Variants in SCARB1 observed in about 807,000 individuals in gnomAD.
The protein encoded by SCARB1 is CD36 and LIMPII analogous 1.
A neutral mutation model predicts 57.2 loss-of-function variants in SCARB1; 30 were observed. The observed-to-expected ratio is 0.52, with a 90% confidence interval of 0.39 to 0.71. The LOEUF is 0.71. Among genes scored for constraint, SCARB1 ranks in the 30% least tolerant of loss-of-function variants. The probability of loss-of-function intolerance (pLI) is 0.00; values close to 1 mark genes in which losing one functional copy is unlikely to be tolerated. For missense variants in SCARB1, 543 were observed against 671.2 expected, an observed-to-expected ratio of 0.81 and a Z score of 2.11; for synonymous variants, 249 against 268.3, an observed-to-expected ratio of 0.93 and a Z score of 0.70.
rs560643861 is a variant in SCARB1 at position 124,790,377 on chromosome 12, T to TCAA, written c.1203-2923_1203-2921dup. ...CTAGATAGCAGAGCGAGACTGTGTC[T>TCAA]CAACAACAACAACAACAACAACAAA... On this transcript the variant is annotated intron_variant, in intron 9 of 12. Transcript: ENST00000261693. Among the ~76,000 whole-genome samples, 1,020 of 151,766 alleles carry TCAA rather than the reference T, an allele frequency of 6.7e-3. 6 individuals are homozygous for TCAA. The highest frequency in any genetic ancestry group is 7.7e-3 in the Non-Finnish European group (525 of 67,944).
intron 1 of SCARB1, among the ~76,000 whole-genome samples, chr12:124,851,447 T>C (rs1449233374): frequency 1.3e-5 from 2 of 151,274 alleles, no homozygotes; most frequent in Admixed American, 1.3e-4. Flanking sequence ...TTTTTTTTTC[T>C]AATTGAATGC....
At chr12:124,849,301 G>A (rs922738651) in intron 1 of SCARB1, among the ~76,000 whole-genome samples, 1 of 152,132 alleles carries the variant, frequency 6.6e-6, no homozygotes, top group Admixed American at 6.5e-5. Flanking sequence ...GGGTGCATCT[G>A]GGCAGCTCAT....
rs1260932890 is a variant in SCARB1 at position 124,817,364 on chromosome 12, A to C, written c.284+186T>G. On this transcript the variant is annotated intron_variant, in intron 2 of 12. Transcript: ENST00000261693. This position sits in a 1 kb window ranked among gnomAD's most constrained non-coding sequence, Gnocchi z 4.8. ...CAAGATCCCATCTCTAAAAAAAAAA[A>C]AAAAAAAAAAAAAAACCCTAAAACA... 2.7e-5 allele frequency among the ~76,000 whole-genome samples: 4 copies of C among 150,772 alleles called. No homozygotes were observed. The highest frequency in any genetic ancestry group is 9.7e-5 in the African/African-American group (4 of 41,134).
At position 124,806,319 on chromosome 12, in the gene SCARB1, C is replaced by T. The variant is rs35522120; in HGVS notation, c.1009+1442G>A. On this transcript the variant is annotated intron_variant, in intron 7 of 12. Transcript: ENST00000261693. ...GGGTGAGGACAGGGAAACAAACTGA[C>T]GCCCGAGGGTCCAAACTGAGCAACT... Among the ~76,000 whole-genome samples, 1,473 of 152,234 alleles carry T rather than the reference C, an allele frequency of 9.7e-3. 17 individuals are homozygous for T. Among genetic ancestry groups the T allele is most frequent in the South Asian group, 0.048 (232 of 4,818 alleles).
In SCARB1 at chr12:124,811,840, C is replaced by T. The variant is rs144347463; in HGVS notation, c.726+30G>A. The T allele has an allele frequency of 4.0e-3, 6,092 of 1,540,900 alleles. 32 individuals carry two copies. The highest frequency in any genetic ancestry group is 0.011 in the South Asian group (941 of 86,544). On this transcript the variant is annotated intron_variant, in intron 5 of 12. Transcript: ENST00000261693. ...CGGGCCCACCCTCCCCTCTCCCTGG[C>T]GACAGGGGCCCTCGCCTCTCGCCCC...
intron 1 of SCARB1, among the ~76,000 whole-genome samples, chr12:124,833,824 C>T (rs1255809411): frequency 6.6e-6 from 1 of 152,254 alleles, no homozygotes; most frequent in African/African-American, 2.4e-5. Flanking sequence ...TCACACGTCC[C>T]CCGCTTTTGA....
rs978909038 is a variant in SCARB1, at chr12:124,789,439, T to C, written c.1203-1982A>G. 4.6e-5 allele frequency among the ~76,000 whole-genome samples: 7 copies of C among 152,052 alleles called. No homozygotes were observed. Among genetic ancestry groups the C allele is most frequent in the African/African-American group, 1.7e-4 (7 of 41,400 alleles). ...AAGACCAATGCGACACCTGGGAAAC[T>C]GTGACCTGCCACGACGAAGGGGACC... On this transcript the variant is annotated intron_variant, in intron 9 of 12. Coordinates refer to ENST00000261693, the MANE Select transcript of SCARB1 (RefSeq NM_005505.5). This position sits in a 1 kb window ranked among gnomAD's most constrained non-coding sequence, Gnocchi z 4.4.
intron 12 of SCARB1, among the ~76,000 whole-genome samples, chr12:124,781,023 A>G (rs912631916): frequency 3.9e-5 from 6 of 152,186 alleles, no homozygotes; most frequent in Non-Finnish European, 8.8e-5. Context: ...GGGTCCAGGC[A>G]GAAGGCCTTG....
rs1950372856 is a variant in SCARB1 at position 124,807,816 on chromosome 12, T to A, written c.954A>T (p.Glu318Asp). The change falls in exon 7 of 13, where the codon GAA becomes GAT. Residue 318 changes from glutamate to aspartate, a missense_variant. Glu to Asp is a conservative substitution (Grantham distance 45). Transcript: ENST00000261693. This position sits in a 1 kb window ranked among gnomAD's most constrained non-coding sequence, Gnocchi z 5.3. Reference protein sequence around the residue: ...FANGSIYPPNEGFCPCLESGI... With the variant: ...FANGSIYPPNDGFCPCLESGI... ...CAGACTCCAGGCACGGGCAGAAGCCTTCGTTGGGTGGGTAGATGGACCCGT... is the reference window on the plus strand; with the variant it reads ...CAGACTCCAGGCACGGGCAGAAGCCATCGTTGGGTGGGTAGATGGACCCGT... The A allele has an allele frequency of 1.2e-6, 2 of 1,613,982 alleles. No homozygotes were observed. The highest frequency in any genetic ancestry group is 3.3e-5 in the Admixed American group (2 of 59,996).
intron 1 of SCARB1, among the ~76,000 whole-genome samples, chr12:124,838,776 T>TTC (rs1951794503): frequency 1.5e-4 from 1 of 6,696 alleles, no homozygotes; most frequent in Non-Finnish European, 3.4e-3. Flanking sequence ...CAACTTAGCC[T>TTC]TTTTTTTTTT....
chr12:124,845,991 G>A (rs1417534056), intron 1 of SCARB1, among the ~76,000 whole-genome samples: 3 of 151,974 alleles, frequency 2.0e-5, no homozygotes, highest in African/African-American at 7.3e-5. Flanking sequence ...CAGCCTGGGC[G>A]ACAGAGCAAG....
chr12:124,797,412 G>A (rs556729569), intron 8 of SCARB1, among the ~76,000 whole-genome samples: 4 of 152,182 alleles, frequency 2.6e-5, no homozygotes, highest in East Asian at 1.9e-4. Context: ...CAAGGCTAAA[G>A]GCCAACAGGC....
At chr12:124,847,181 C>G (rs1355476613) in intron 1 of SCARB1, among the ~76,000 whole-genome samples, 1 of 152,188 alleles carries the variant, frequency 6.6e-6, no homozygotes, top group Non-Finnish European at 1.5e-5. Context: ...AACAGAAATC[C>G]AAGACTCTGG....
chr12:124,804,536 C>T (rs936069979), intron 7 of SCARB1, among the ~76,000 whole-genome samples: 7 of 152,202 alleles, frequency 4.6e-5, no homozygotes, highest in African/African-American at 7.2e-5. Flanking sequence ...CTGTAGCACA[C>T]CTATTGGGTG....
chr12:124,782,432 A>G (rs1192901314), intron 12 of SCARB1, among the ~76,000 whole-genome samples: 1 of 152,192 alleles, frequency 6.6e-6, no homozygotes, highest in Non-Finnish European at 1.5e-5. Flanking sequence ...TTCTAATGTG[A>G]CCTTGCAAAT....
intron 7 of SCARB1, among the ~76,000 whole-genome samples, chr12:124,805,599 G>A (rs185454764): frequency 6.6e-6 from 1 of 152,056 alleles, no homozygotes; most frequent in African/African-American, 2.4e-5. Flanking sequence ...TTCCTCTGTT[G>A]CCCAGGCTGG....
At position 124,817,710 on chromosome 12, in the gene SCARB1, G is replaced by T; in HGVS notation, c.127-3C>A. The T allele has an allele frequency of 4.3e-6, 7 of 1,614,134 alleles. No individual in the cohort carries two copies. The highest frequency in any genetic ancestry group is 5.9e-6 in the Non-Finnish European group (7 of 1,179,990). On this transcript the variant is annotated splice_region_variant and splice_polypyrimidine_tract_variant and intron_variant, in intron 1 of 12. Coordinates refer to ENST00000261693, the MANE Select transcript of SCARB1 (RefSeq NM_005505.5). This position sits in a 1 kb window ranked among gnomAD's most constrained non-coding sequence, Gnocchi z 4.8. ...CTACTGGGGTCGATGCGCACGTTCT[G>T]CAGGGGAAGGGACAAGTACGCTTGT...
chr12:124,814,942 C>T lies in SCARB1; in HGVS notation c.426+31G>A, dbSNP rs756479526. 1.5e-5 allele frequency: 25 copies of T among 1,613,336 alleles called. No homozygotes were observed. Among genetic ancestry groups the T allele is most frequent in the Admixed American group, 6.7e-5 (4 of 59,970 alleles). On this transcript the variant is annotated intron_variant, in intron 3 of 12. Transcript: ENST00000261693. The surrounding 1 kb of genome is among the most constrained non-coding windows in gnomAD (Gnocchi z 4.7). ...AGAGACAGGGGACGAGGTCAGGGTG[C>T]GAGGCGGCGTGGGCCACAGGGCAGC...
intron 9 of SCARB1, among the ~76,000 whole-genome samples, chr12:124,787,938 T>C (rs1050375483): frequency 2.0e-5 from 3 of 152,236 alleles, no homozygotes; most frequent in Non-Finnish European, 2.9e-5. Flanking sequence ...ACTTTTATTA[T>C]AGTATTTGTT....
Sources: gnomAD v4.1 joint callset for allele counts (sites outside exome capture counted in the v4.1 genomes callset) on GRCh38, gnomAD v4.1.1 for gene constraint, Gnocchi (gnomAD v3.1) non-coding constraint, MANE v1.5 for transcripts, NCBI Gene and HGNC (gene_info 2026-07-23, HGNC 2026-07-21) for gene names.